The following FKTN variants were observed in gnomAD, a reference collection of about 807,000 sequenced individuals.
FKTN encodes the protein fukutin.
In FKTN, 47 loss-of-function variants were observed where a neutral mutation model predicts 58.6. The ratio of observed to expected loss-of-function variants is 0.80; its 90% CI spans 0.63 to 1.02. FKTN has a LOEUF of 1.02. Among genes scored for constraint, FKTN ranks in the 50% least tolerant of loss-of-function variants. The pLI is 0.00. For missense variants in FKTN, 516 were observed against 537.3 expected (o/e 0.96, Z 0.39); for synonymous variants, 178 against 191.9 (o/e 0.93, Z 0.60).
intron 3 of FKTN, among the ~76,000 whole-genome samples, chr9:105,578,902 A>G (rs1237943248): frequency 1.3e-5 from 2 of 151,662 alleles, no homozygotes; most frequent in African/African-American, 2.4e-5. Flanking sequence ...GTCTTGGGAG[A>G]GTGTATGTGT....
chr9:105,581,592 A>T (rs1842924274), intron 3 of FKTN, among the ~76,000 whole-genome samples: 1 of 152,026 alleles, frequency 6.6e-6, no homozygotes, highest in African/African-American at 2.4e-5. Context: ...GGGACATTGA[A>T]GTCTGCAGAG....
At chr9:105,625,027 G>C (rs892512706) in intron 10 of FKTN, among the ~76,000 whole-genome samples, 1 of 152,120 alleles carries the variant, frequency 6.6e-6, no homozygotes, top group East Asian at 1.9e-4. Context: ...TGCTTGGCAC[G>C]TAATAGATTC....
At chr9:105,633,549 A>G (rs1022731829) in intron 10 of FKTN, 1 of 152,262 alleles carries the variant, frequency 6.6e-6, no homozygotes, top group African/African-American at 2.4e-5. Flanking sequence ...TGATGACAAA[A>G]TAAGCAATTC....
intron 3 of FKTN, among the ~76,000 whole-genome samples, chr9:105,595,056 C>T (rs1006295213): frequency 5.3e-5 from 8 of 152,096 alleles, no homozygotes; most frequent in African/African-American, 1.9e-4. Flanking sequence ...TTGAAAACAT[C>T]ATGCTTAGTG....
intron 10 of FKTN, among the ~76,000 whole-genome samples, chr9:105,634,282 C>G (rs10816287): frequency 0.14 from 20,634 of 151,820 alleles, 1,758 homozygotes; most frequent in East Asian, 0.45. Context: ...CAGGAGTGTG[C>G]CACCACACCC....
At chr9:105,585,079 G>C (rs1013834795) in intron 3 of FKTN, among the ~76,000 whole-genome samples, 1 of 152,026 alleles carries the variant, frequency 6.6e-6, no homozygotes, top group African/African-American at 2.4e-5. Flanking sequence ...ACAGGATACT[G>C]TCTGTAAGGA....
At position 105,635,343 on chromosome 9, in the gene FKTN, C is replaced by T. The variant is rs530616539; in HGVS notation, c.*79C>T. 70 of 1,597,578 alleles carry T rather than the reference C, an allele frequency of 4.4e-5. No individual in the cohort carries two copies. In the East Asian group the frequency reaches 1.6e-3, roughly 36 times the overall value. On this transcript the variant is annotated 3_prime_UTR_variant, in exon 11 of 11. Transcript: ENST00000357998. ...GTTTAAAAAATACATGTCTATTTGT[C>T]AAACATAAGTGGGAACCAAAGAAAA... is the stretch of plus-strand genomic sequence containing the variant.
At chr9:105,624,636 AAAAAAG>A (rs1210754843) in intron 10 of FKTN, among the ~76,000 whole-genome samples, 1 of 151,736 alleles carries the variant, frequency 6.6e-6, no homozygotes, top group African/African-American at 2.4e-5. Context: ...AAAAAAAAAA[AAAAAAG>A]AAAAAGAATC....
chr9:105,615,433 GTCTT>G, intron 8 of FKTN, 26 bp downstream of exon 8: 1 of 1,612,386 alleles, frequency 6.2e-7, no homozygotes, highest in Non-Finnish European at 8.5e-7. Flanking sequence ...CTTTCCATTT[GTCTT>G]TCTGTCATTT....
intron 3 of FKTN, among the ~76,000 whole-genome samples, chr9:105,587,237 T>G (rs572294202): frequency 6.6e-6 from 1 of 152,194 alleles, no homozygotes; most frequent in East Asian, 1.9e-4. Context: ...AGCCCACTTA[T>G]AGAATTGGGT....
intron 3 of FKTN, among the ~76,000 whole-genome samples, chr9:105,576,886 T>C (rs1469451503): frequency 9.4e-6 from 1 of 106,108 alleles, no homozygotes; most frequent in African/African-American, 4.1e-5. Flanking sequence ...GGTATCTCAT[T>C]GTGGTTTTGA....
At chr9:105,620,186 T>C in intron 10 of FKTN, 125 bp downstream of exon 10, 1 of 766,242 alleles carries the variant, frequency 1.3e-6, no homozygotes, top group Non-Finnish European at 2.2e-6. Context: ...AGCTAACACT[T>C]TCTTAGCTTA....
chr9:105,567,608 A>T (rs1564196151), intron 1 of FKTN, among the ~76,000 whole-genome samples: 1 of 152,224 alleles, frequency 6.6e-6, no homozygotes, highest in Non-Finnish European at 1.5e-5. Context: ...CTCTTTAAGG[A>T]GAAGTACAAA....
chr9:105,603,225 T>A (rs1828215227), intron 5 of FKTN, among the ~76,000 whole-genome samples: 1 of 152,200 alleles, frequency 6.6e-6, no homozygotes, highest in South Asian at 2.1e-4. Flanking sequence ...TTCCTGAATT[T>A]GTCAGCTGAT....
chr9:105,561,587 C>A (rs1276301478), intron 1 of FKTN, among the ~76,000 whole-genome samples: 1 of 152,154 alleles, frequency 6.6e-6, no homozygotes, highest in East Asian at 1.9e-4. Flanking sequence ...CCCTCTTACA[C>A]CATAGTCATT....
chr9:105,633,157 T>G (rs984597157), intron 10 of FKTN, among the ~76,000 whole-genome samples: 1 of 152,248 alleles, frequency 6.6e-6, no homozygotes, highest in South Asian at 2.1e-4. Flanking sequence ...ACAAAGAGTT[T>G]AGAGAGGTTT....
rs1037879293 is a variant in FKTN, at chr9:105,628,967, A to G, written c.1173-6084A>G. Among the ~76,000 whole-genome samples, 7 of 152,360 alleles carry G rather than the reference A, an allele frequency of 4.6e-5. No individual in the cohort carries two copies. In the South Asian group the frequency reaches 1.2e-3, roughly 27 times the overall value. ...AACTTTGGACGAGGGGTTGGTAGAAATGTTCTATATCTTGATTATTGTGGT... is the reference window on the plus strand; with the variant it reads ...AACTTTGGACGAGGGGTTGGTAGAAGTGTTCTATATCTTGATTATTGTGGT... On this transcript the variant is annotated intron_variant, in intron 10 of 10. Transcript: ENST00000357998.
intron 1 of FKTN, among the ~76,000 whole-genome samples, chr9:105,572,026 A>G (rs1587843753): frequency 6.6e-6 from 1 of 152,198 alleles, no homozygotes; most frequent in Non-Finnish European, 1.5e-5. Context: ...CTAAACCTCT[A>G]TTTGATAATT....
intron 3 of FKTN, among the ~76,000 whole-genome samples, chr9:105,592,897 T>G (rs1406823512): frequency 6.6e-6 from 1 of 152,204 alleles, no homozygotes; most frequent in Non-Finnish European, 1.5e-5. Context: ...TTTCAAATTT[T>G]CCCTCATCTT....
Sources: gnomAD v4.1 joint callset for allele counts (sites outside exome capture counted in the v4.1 genomes callset) on GRCh38, gnomAD v4.1.1 for gene constraint, MANE v1.5 for transcripts, NCBI Gene and HGNC (gene_info 2026-07-23, HGNC 2026-07-21) for gene names.